The following SDK1 variants were observed in gnomAD, a reference collection of about 807,000 sequenced individuals.
SDK1 encodes the protein protein sidekick-1.
A neutral mutation model predicts 245.5 loss-of-function variants in SDK1; 157 were observed. The observed-to-expected ratio is 0.64, with a 90% confidence interval of 0.56 to 0.73. SDK1 has a LOEUF of 0.73. Ranked by LOEUF, SDK1 falls within the 30% of genes least tolerant of loss-of-function variation. The pLI, the probability that SDK1 is intolerant of heterozygous loss-of-function variation, is 0.00. For synonymous variants in SDK1, 1,647 were observed against 1,278.5 expected, an observed-to-expected ratio of 1.29 and a Z score of -6.15; for missense variants, 3,583 against 3,002.3, an observed-to-expected ratio of 1.19 and a Z score of -4.52.
At chr7:3,845,516 C>G (rs1415442394) in intron 5 of SDK1, among the ~76,000 whole-genome samples, 1 of 142,450 alleles carries the variant, frequency 7.0e-6, no homozygotes, top group Non-Finnish European at 1.5e-5. Context: ...AAAAAAAGGC[C>G]CTAGAGAAAA....
intron 31 of SDK1, among the ~76,000 whole-genome samples, chr7:4,161,310 C>G (rs1450464305): frequency 2.6e-5 from 4 of 152,178 alleles, no homozygotes; most frequent in Non-Finnish European, 4.4e-5. Context: ...TGCAACCTCA[C>G]CAGAAATCAA....
intron 1 of SDK1, among the ~76,000 whole-genome samples, chr7:3,391,016 TG>T (rs1470004312): frequency 1.1e-4 from 16 of 152,318 alleles, no homozygotes; most frequent in Non-Finnish European, 2.1e-4. Flanking sequence ...TTTCCAGTTT[TG>T]GAGTTCTGGA....
At chr7:3,429,601 A>ATT (rs111619702) in intron 1 of SDK1, among the ~76,000 whole-genome samples, 1,992 of 140,544 alleles carry the variant, frequency 0.014, 23 homozygotes, top group Middle Eastern at 0.029. Context: ...GCAAAAGCCT[A>ATT]TTTTTTTTTT....
intron 17 of SDK1, among the ~76,000 whole-genome samples, chr7:4,040,611 G>A (rs543543634): frequency 6.6e-6 from 1 of 152,272 alleles, no homozygotes; most frequent in South Asian, 2.1e-4. Context: ...TTACAGATGA[G>A]CTGGAGGAGG....
intron 4 of SDK1, among the ~76,000 whole-genome samples, chr7:3,814,875 A>T (rs1018716410): frequency 6.6e-6 from 1 of 151,966 alleles, no homozygotes; most frequent in African/African-American, 2.4e-5. Flanking sequence ...CTTTGAAGCA[A>T]TTGTGAATGG....
intron 1 of SDK1, among the ~76,000 whole-genome samples, chr7:3,356,828 C>A (rs530329991): frequency 3.3e-5 from 5 of 152,046 alleles, no homozygotes; most frequent in African/African-American, 1.2e-4. Flanking sequence ...GAGGCCGAGG[C>A]CAGTGGATCA....
chr7:3,821,764 G>A (rs544712610), intron 5 of SDK1, among the ~76,000 whole-genome samples, 181 bp downstream of exon 5: 12 of 151,946 alleles, frequency 7.9e-5, no homozygotes, highest in Non-Finnish European at 1.5e-4. Flanking sequence ...TCTTCAAAAT[G>A]ATATGCGGAA....
intron 1 of SDK1, among the ~76,000 whole-genome samples, chr7:3,311,340 G>A (rs947345277): frequency 6.6e-6 from 1 of 152,138 alleles, no homozygotes; most frequent in Admixed American, 6.6e-5. Flanking sequence ...CATTGGATTT[G>A]TTGATTACAT....
At chr7:3,797,196 G>T (rs761617869) in intron 4 of SDK1, among the ~76,000 whole-genome samples, 15 of 151,772 alleles carry the variant, frequency 9.9e-5, no homozygotes, top group Non-Finnish European at 1.5e-5. Context: ...CGTAGAGATG[G>T]GGTCTCTAAC....
intron 1 of SDK1, among the ~76,000 whole-genome samples, chr7:3,309,446 C>T (rs1779497447): frequency 6.7e-6 from 1 of 148,728 alleles, no homozygotes; most frequent in African/African-American, 2.5e-5. Flanking sequence ...TGGCTAAGAG[C>T]AAGGCGAGTT....
intron 14 of SDK1, among the ~76,000 whole-genome samples, chr7:4,005,039 CTTT>C (rs1162979240): frequency 0.02 from 1,854 of 90,818 alleles, 22 homozygotes; most frequent in African/African-American, 0.074. Context: ...GTTCCTGCAC[CTTT>C]TTTTTTTTTT....
chr7:4,073,951 C>G (rs181151529), intron 20 of SDK1, among the ~76,000 whole-genome samples: 4 of 144,262 alleles, frequency 2.8e-5, no homozygotes, highest in Non-Finnish European at 6.1e-5. Context: ...TCCTCATAGG[C>G]TGAGCACTAT....
chr7:3,800,350 TTTACTTACTTAC>T (rs1192541356), intron 4 of SDK1, among the ~76,000 whole-genome samples: 3 of 151,502 alleles, frequency 2.0e-5, no homozygotes, highest in African/African-American at 7.3e-5. Context: ...ATCGCCATCT[TTTACTTACTTAC>T]TTACTTACTT....
chr7:3,485,398 C>T (rs187578540), intron 1 of SDK1, among the ~76,000 whole-genome samples: 82 of 152,242 alleles, frequency 5.4e-4, no homozygotes, highest in African/African-American at 1.9e-3. Flanking sequence ...TGGGTTCCAC[C>T]GTGGCAGGGC....
chr7:3,562,916 G>C (rs1779791837), intron 1 of SDK1, among the ~76,000 whole-genome samples: 1 of 152,268 alleles, frequency 6.6e-6, no homozygotes, highest in Non-Finnish European at 1.5e-5. Flanking sequence ...AGCTACAAGA[G>C]ATAGGGGAGG....
intron 1 of SDK1, among the ~76,000 whole-genome samples, chr7:3,346,805 G>A (rs1187256030): frequency 3.8e-5 from 2 of 52,376 alleles, no homozygotes; most frequent in African/African-American, 1.9e-4. Context: ...GTGTGTGTGT[G>A]TGTATATATA....
At chr7:3,422,935 A>G (rs573207621) in intron 1 of SDK1, among the ~76,000 whole-genome samples, 42 of 152,346 alleles carry the variant, frequency 2.8e-4, no homozygotes, top group Middle Eastern at 6.8e-3. Context: ...TTTACCCTGT[A>G]TATCAGAGAT....
intron 1 of SDK1, among the ~76,000 whole-genome samples, chr7:3,592,625 T>G (rs1313917192): frequency 1.3e-5 from 2 of 152,198 alleles, no homozygotes; most frequent in East Asian, 3.8e-4. Flanking sequence ...GTGTTCTGTT[T>G]CCTTTCCTAA....
intron 1 of SDK1, among the ~76,000 whole-genome samples, chr7:3,398,129 G>T (rs532744095): frequency 2.0e-5 from 3 of 152,048 alleles, no homozygotes; most frequent in Non-Finnish European, 4.4e-5. Context: ...TAGGTTTTCT[G>T]TAGCTGTAGG....
Sources: gnomAD v4.1 joint callset for allele counts (sites outside exome capture counted in the v4.1 genomes callset) on GRCh38, gnomAD v4.1.1 for gene constraint, MANE v1.5 for transcripts, NCBI Gene and HGNC (gene_info 2026-07-23, HGNC 2026-07-21) for gene names.